KHSRP: variants seen among roughly 807,000 people sequenced by gnomAD.
KHSRP encodes KH-type splicing regulatory protein, also known as far upstream element-binding protein 2.
Under a neutral mutation model 94.9 loss-of-function variants are expected in KHSRP, and 13 were observed. The observed-to-expected ratio is 0.14, with a 90% CI of 0.09 to 0.22. KHSRP has a LOEUF of 0.22. Among genes scored for constraint, KHSRP ranks in the 10% least tolerant of loss-of-function variants. The probability of loss-of-function intolerance (pLI) is 1.00; values close to 1 mark genes in which losing one functional copy is unlikely to be tolerated. For synonymous variants in KHSRP, 495 were observed against 401.4 expected (o/e 1.23, Z -2.79); for missense variants, 710 against 1,010.0 (o/e 0.70, Z 4.03).
In KHSRP at chr19:6,423,130, T is replaced by C. The variant is rs571306350; in HGVS notation, c.250-694A>G. ...TCCATCTCTACTAAAAATACAAAAA[T>C]TAGCTGGGTGTGGTGGTGCACACTT... On this transcript the variant is annotated intron_variant, in intron 1 of 18. Transcript: ENST00000600480. 9.2e-5 allele frequency among the ~76,000 whole-genome samples: 14 copies of C among 152,110 alleles called. No individual in the cohort carries two copies. In the South Asian group the frequency reaches 2.7e-3, roughly 29 times the overall value.
rs2092176447 is a variant in KHSRP, at chr19:6,418,998, G to A, written c.606-122C>T. 1.8e-5 allele frequency: 21 copies of A among 1,199,478 alleles called. No individual in the cohort carries two copies. The highest frequency in any genetic ancestry group is 2.3e-5 in the Non-Finnish European group (20 of 879,616). The allele number at this position is 1,199,478 out of a possible 1,614,324, so 74.3% of individuals were successfully genotyped here. ...GTGTGCAAGGATGACAGGGAAGAGG[G>A]GCCAGTCACAGGGGCTGTTCAGGCT... On this transcript the variant is annotated intron_variant, in intron 7 of 18. Transcript: ENST00000600480. The surrounding 1 kb of genome is among the most constrained non-coding windows in gnomAD (Gnocchi z 4.3).
chr19:6,416,432 G>GT (rs146253337), intron 14 of KHSRP, 25 bp from the exon 15 acceptor site: 69,115 of 1,613,158 alleles, frequency 0.043, 1,725 homozygotes, highest in South Asian at 0.054. Context: ...AGTAACCAAG[G>GT]TAAGTGGGCT....
rs2092134032 is a variant in KHSRP, at chr19:6,415,168, CGG to C, written c.2098_2099del (p.Pro700AlafsTer36). Reference protein sequence around the residue: ...GQTPGPGGPQPPPTQQGQQQA... With the variant: ...GQTPGPGGPQXPPTQQGQQQA... ...GCTGCTGTCCCTGCTGCGTGGGCGG[CGG>C]CTGGGGGCCGCCAGGACCTGGGGTC... On this transcript the variant is annotated frameshift_variant, in exon 19 of 19. Transcript: ENST00000600480. LOFTEE classifies it high-confidence loss of function. 6.2e-7 allele frequency: 1 copy of C among 1,607,068 alleles called. No homozygotes were observed. Among genetic ancestry groups the C allele is most frequent in the Non-Finnish European group, 8.5e-7 (1 of 1,178,952 alleles).
chr19:6,424,544 C>A lies in KHSRP; in HGVS notation c.158G>T (p.Gly53Val), dbSNP rs1186379141. The A allele has an allele frequency of 5.1e-6, 5 of 976,218 alleles. No individual in the cohort carries two copies. Among genetic ancestry groups the A allele is most frequent in the East Asian group, 2.3e-4 (2 of 8,632 alleles). The allele number at this position is 976,218 out of a possible 1,614,324, so 60.5% of individuals were successfully genotyped here. Residue 53 changes from glycine to valine, a missense_variant, in exon 1 of 19, where the codon GGG (glycine) becomes GTG (valine). Transcript: ENST00000600480. ...GGPGGGGPGG[G>V]SAGGPSQPPG... Reference sequence around the variant, plus strand: ...TGGCTGAGAGGGGCCCCCGGCCGACCCCCCGCCCGGGCCGCCGCCGCCGGG... The same window carrying A: ...TGGCTGAGAGGGGCCCCCGGCCGACACCCCGCCCGGGCCGCCGCCGCCGGG...
chr19:6,417,906 C>T (rs747865165), intron 10 of KHSRP, 65 bp from the exon 11 acceptor site: 209 of 1,602,070 alleles, frequency 1.3e-4, no homozygotes, highest in Non-Finnish European at 1.8e-4. Context: ...GCCCACTGGC[C>T]ACAAGGAGCC....
intron 11 of KHSRP, among the ~76,000 whole-genome samples, 154 bp from the exon 12 acceptor site, chr19:6,417,241 G>T (rs1411000396): frequency 6.6e-6 from 1 of 152,240 alleles, no homozygotes; most frequent in Non-Finnish European, 1.5e-5. Context: ...GGATTGAGGG[G>T]GAGGCGGCCC....
Position 6,415,192 on chromosome 19 carries a change from G to A in KHSRP, c.2076C>T (p.Thr692=), listed in dbSNP as rs567134190. 3.1e-6 allele frequency: 5 copies of A among 1,611,420 alleles called. No homozygotes were observed. In the African/African-American group the frequency reaches 4.0e-5, roughly 13 times the overall value. ...GCGGCTGGGGGCCGCCAGGACCTGGGGTCTGTCCGTAGTAAGCGGCCTGCT... is the reference window on the plus strand; with the variant it reads ...GCGGCTGGGGGCCGCCAGGACCTGGAGTCTGTCCGTAGTAAGCGGCCTGCT... ...YRQQAAYYGQ[T]PGPGGPQPPP... The change falls in exon 19 of 19, where the codon ACC becomes ACT. Residue 692 remains threonine, a synonymous_variant. Coordinates refer to ENST00000600480, the MANE Select transcript of KHSRP (RefSeq NM_001366299.1).
chr19:6,419,096 G>C, intron 7 of KHSRP, 107 bp downstream of exon 7: 1 of 1,223,162 alleles, frequency 8.2e-7, no homozygotes, highest in Non-Finnish European at 1.2e-6. Flanking sequence ...ATGGGGGCAA[G>C]AATGGAGGAC....
Position 6,420,152 on chromosome 19 carries a change from G to C in KHSRP, c.476-8C>G. 1 of 1,608,398 alleles carries C rather than the reference G, an allele frequency of 6.2e-7. No individual in the cohort carries two copies. The highest frequency in any genetic ancestry group is 8.5e-7 in the Non-Finnish European group (1 of 1,175,672). ...CACCTCCTCTGCCAATGACTGGATG[G>C]AGAAAGAAGGAGAAAAGCAAAGCGT... On this transcript the variant is annotated splice_polypyrimidine_tract_variant and splice_region_variant and intron_variant, in intron 5 of 18. Transcript: ENST00000600480.
rs1181077765 is a variant in KHSRP, at chr19:6,415,884, G to A, written c.1611C>T (p.Pro537=). ...CCTGGGGTGGGTACTGGTGAGGAGG[G>A]GGCCCCCCGGCACTGCAGGAGAGAA... is the stretch of plus-strand genomic sequence containing the variant. The part of the protein sequence containing the change: ...PPGAPPHAGG[P]PPHQYPPQGW... The change falls in exon 16 of 19, where the codon CCC becomes CCT. Residue 537 remains proline (P), a synonymous_variant. Coordinates refer to ENST00000600480, the MANE Select transcript of KHSRP (RefSeq NM_001366299.1). 20 of 1,527,660 alleles carry A rather than the reference G, an allele frequency of 1.3e-5. No individual in the cohort carries two copies. Among genetic ancestry groups the A allele is most frequent in the Non-Finnish European group, 7.9e-6 (9 of 1,137,158 alleles). The allele number at this position is 1,527,660 out of a possible 1,614,324, so 94.6% of individuals were successfully genotyped here.
At position 6,414,715 on chromosome 19, in the gene KHSRP, C is replaced by A. The variant is rs2092129227; in HGVS notation, c.*309G>T. 2 of 1,038,038 alleles carry A rather than the reference C, an allele frequency of 1.9e-6. No homozygotes were observed. The highest frequency in any genetic ancestry group is 3.4e-5 in the African/African-American group (2 of 58,918). 64.3% of individuals were successfully genotyped at this position (1,038,038 alleles called of 1,614,324 possible). A position where few individuals can be genotyped will look rare whatever the true frequency, so the allele number is the denominator to read the frequency against. On this transcript the variant is annotated 3_prime_UTR_variant, in exon 19 of 19. Transcript: ENST00000600480. The stretch of plus-strand genomic sequence containing the variant: ...AATAAAAGAATAAAAAGAACAAAAA[C>A]CAAAAAAGTGATGCAGAGAAGGGGA...
intron 4 of KHSRP, among the ~76,000 whole-genome samples, chr19:6,420,832 CCT>C (rs1159677050): frequency 3.3e-5 from 5 of 152,186 alleles, no homozygotes; most frequent in Non-Finnish European, 4.4e-5. Context: ...AAAAATGACC[CCT>C]GACAACTGCC....
intron 1 of KHSRP, chr19:6,424,041 G>A (rs1401712189): frequency 5.9e-5 from 9 of 152,400 alleles, no homozygotes; most frequent in Admixed American, 5.9e-4. Context: ...TCCTAGAGAG[G>A]GGACAGAAAT....
rs951188767 is a variant in KHSRP at position 6,415,951 on chromosome 19, G to T, written c.1599-55C>A. On this transcript the variant is annotated intron_variant, in intron 15 of 18. Coordinates refer to ENST00000600480, the MANE Select transcript of KHSRP (RefSeq NM_001366299.1). ...CAGTGGTGCGGGGGTGGCCGCAGCCGGACCACCTGGGGTGGGGATGTTTTT... is the reference window on the plus strand; with the variant it reads ...CAGTGGTGCGGGGGTGGCCGCAGCCTGACCACCTGGGGTGGGGATGTTTTT... The T allele has an allele frequency of 4.4e-6, 5 of 1,128,396 alleles. No individual in the cohort carries two copies. In the African/African-American group the frequency reaches 4.7e-5, roughly 11 times the overall value. 69.9% of individuals were successfully genotyped at this position (1,128,396 alleles called of 1,614,324 possible). A position where few individuals can be genotyped will look rare whatever the true frequency, so the allele number is the denominator to read the frequency against.
At chr19:6,419,143 G>A (rs927274140) in intron 7 of KHSRP, 60 bp downstream of exon 7, 42 of 1,485,380 alleles carry the variant, frequency 2.8e-5, no homozygotes, top group African/African-American at 5.6e-5. Flanking sequence ...CAATTCAAAC[G>A]GACAGAGCAG....
At position 6,414,281 on chromosome 19, in the gene KHSRP, C is replaced by A; in HGVS notation, c.*743G>T. On this transcript the variant is annotated 3_prime_UTR_variant, in exon 19 of 19. Transcript: ENST00000600480. ...CTGGAAGGACGTGCTTGTTAACTGTCTAGCCAGGTGCTCGCGGGACTCGCT... is the reference window on the plus strand; with the variant it reads ...CTGGAAGGACGTGCTTGTTAACTGTATAGCCAGGTGCTCGCGGGACTCGCT... The A allele has an allele frequency of 7.0e-7, 1 of 1,421,624 alleles. No homozygotes were observed. The highest frequency in any genetic ancestry group is 1.6e-5 in the South Asian group (1 of 62,394). 88.1% of individuals were successfully genotyped at this position (1,421,624 alleles called of 1,614,324 possible). A position where few individuals can be genotyped will look rare whatever the true frequency, so the allele number is the denominator to read the frequency against.
In KHSRP at chr19:6,424,531, G is replaced by A. The variant is rs1215862246; in HGVS notation, c.171C>T (p.Gly57=). 8 of 979,628 alleles carry A rather than the reference G, an allele frequency of 8.2e-6. No individual in the cohort carries two copies. In the East Asian group the frequency reaches 9.3e-4, roughly 113 times the overall value. 60.7% of individuals were successfully genotyped at this position (979,628 alleles called of 1,614,324 possible). A position where few individuals can be genotyped will look rare whatever the true frequency, so the allele number is the denominator to read the frequency against. The change falls in exon 1 of 19, where the codon GGC becomes GGT. Residue 57 remains glycine, a synonymous_variant. Transcript: ENST00000600480. ...GGGPGGGSAG[G]PSQPPGGGGP... is the part of the protein sequence containing the mutation. ...CGCCTCCGCCGGGTGGCTGAGAGGG[G>A]CCCCCGGCCGACCCCCCGCCCGGGC...
Position 6,417,993 on chromosome 19 carries a change from G to A in KHSRP, c.966C>T (p.Gly322=), listed in dbSNP as rs199559995. The change falls in exon 10 of 19, where the codon GGC becomes GGT. Residue 322 remains glycine (G), a synonymous_variant. Transcript: ENST00000600480. ...GDRNEYGSRI[G]GGIDVPVPRH... is the part of the protein sequence containing the mutation. ...GGCCCACACTCACATCGATGCCTCC[G>A]CCAATCCGAGATCCGTACTCATTCC... is the stretch of plus-strand genomic sequence containing the variant. 1.0e-4 allele frequency: 167 copies of A among 1,613,702 alleles called. 1 individual carries two copies. Among genetic ancestry groups the A allele is most frequent in the Admixed American group, 5.3e-4 (32 of 59,992 alleles).
chr19:6,417,749 C>T lies in KHSRP; in HGVS notation c.1071G>A (p.Gln357=), dbSNP rs755373492. ...GGGCCAGGCCCTGACCTTGCTTGAA[C>T]TGTATCCGCACGCCAGCATCATTCT... The part of the protein sequence containing the change: ...KIQNDAGVRI[Q]FKQDDGTGPE... Residue 357 remains glutamine, a synonymous_variant, in exon 11 of 19, where the codon CAG becomes CAA. Transcript: ENST00000600480. 10 of 1,613,774 alleles carry T rather than the reference C, an allele frequency of 6.2e-6. No homozygotes were observed. Among genetic ancestry groups the T allele is most frequent in the Admixed American group, 3.3e-5 (2 of 60,018 alleles).
Sources: allele counts gnomAD v4.1 joint callset (sites outside exome capture counted in the v4.1 genomes callset), GRCh38; gene constraint gnomAD v4.1.1; non-coding constraint Gnocchi (gnomAD v3.1); transcripts MANE v1.5; gene names NCBI Gene and HGNC (gene_info 2026-07-23, HGNC 2026-07-21).